Variants in CHD9 observed in about 807,000 individuals in gnomAD.
CHD9 encodes the protein ATP-dependent chromatin remodeler CHD9.
A neutral mutation model predicts 316.1 loss-of-function variants in CHD9; 77 were observed. That is an observed-to-expected ratio of 0.24 (90% CI 0.20 to 0.29). CHD9 has a LOEUF of 0.29. CHD9 is among the 10% of genes least tolerant of loss of function. The pLI is 1.00. For missense variants in CHD9, 2,763 were observed against 3,438.1 expected (o/e 0.80, Z 4.91); for synonymous variants, 1,129 against 1,158.3 (o/e 0.97, Z 0.51).
chr16:53,275,983 T>G (rs2052772597), intron 24 of CHD9, among the ~76,000 whole-genome samples: 2 of 152,200 alleles, frequency 1.3e-5, no homozygotes, highest in Admixed American at 1.3e-4. Context: ...TTAATCAGAA[T>G]TTTGACAGTG....
chr16:53,088,293 T>TTTTA (rs1167544513), intron 1 of CHD9, among the ~76,000 whole-genome samples: 3 of 149,846 alleles, frequency 2.0e-5, no homozygotes, highest in Non-Finnish European at 4.4e-5. Flanking sequence ...TTTTTTTTTT[T>TTTTA]TTGAGATGGA....
At chr16:53,225,086 T>A (rs1420445096) in intron 4 of CHD9, among the ~76,000 whole-genome samples, 2 of 152,116 alleles carry the variant, frequency 1.3e-5, no homozygotes, top group African/African-American at 4.8e-5. Flanking sequence ...ATTTTACTAC[T>A]CACAAGAGAA....
chr16:53,110,524 G>A (rs2037784447), intron 1 of CHD9, among the ~76,000 whole-genome samples: 1 of 152,210 alleles, frequency 6.6e-6, no homozygotes, highest in South Asian at 2.1e-4. Context: ...ACTTTGGGAG[G>A]CCAAGGTGGA....
intron 1 of CHD9, among the ~76,000 whole-genome samples, chr16:53,117,187 A>AT (rs1382456989): frequency 1.3e-5 from 2 of 152,184 alleles, no homozygotes; most frequent in Non-Finnish European, 2.9e-5. Context: ...ACGTTTACCT[A>AT]TGTAACAAAC....
intron 31 of CHD9, among the ~76,000 whole-genome samples, chr16:53,305,913 A>G (rs1421384732): frequency 1.3e-5 from 2 of 152,218 alleles, no homozygotes; most frequent in African/African-American, 4.8e-5. Flanking sequence ...AAGTCTACCA[A>G]TCAGGAATCA....
rs2039029552 is a variant in CHD9 at position 53,127,646 on chromosome 16, C to A, written c.-164-28280C>A. Among the ~76,000 whole-genome samples the A allele has an allele frequency of 3.3e-5, 5 of 152,190 alleles. No individual in the cohort carries two copies. In the South Asian group the frequency reaches 1.0e-3, roughly 32 times the overall value. On this transcript the variant is annotated intron_variant, in intron 1 of 38. Coordinates refer to ENST00000447540, the MANE Select transcript of CHD9 (RefSeq NM_001308319.2). ...GGGGGGGAATCCCTTTCTCAACGGG[C>A]ACAGTGGCTCACACCTGTAATCCCA... is the stretch of plus-strand genomic sequence containing the variant.
intron 2 of CHD9, among the ~76,000 whole-genome samples, chr16:53,197,541 T>A (rs1400174263): frequency 6.6e-6 from 1 of 151,688 alleles, no homozygotes; most frequent in African/African-American, 2.4e-5. Context: ...GATAACCTTA[T>A]TGCATGTTCT....
At chr16:53,198,578 G>A (rs1011920878) in intron 2 of CHD9, among the ~76,000 whole-genome samples, 2 of 151,132 alleles carry the variant, frequency 1.3e-5, no homozygotes, top group East Asian at 3.9e-4. Context: ...CGCCTGCCTC[G>A]GCCTCCCAAA....
Position 53,249,936 on chromosome 16 carries a change from T to A in CHD9, c.3731T>A (p.Phe1244Tyr). 1 of 1,613,840 alleles carries A rather than the reference T, an allele frequency of 6.2e-7. No individual in the cohort carries two copies. Among genetic ancestry groups the A allele is most frequent in the South Asian group, 1.1e-5 (1 of 91,082 alleles). ...CTTCGGCAAGCTGCTATAGATAGATTTAGTAAACCTGATTCAGATAGATTT... is the reference window on the plus strand; with the variant it reads ...CTTCGGCAAGCTGCTATAGATAGATATAGTAAACCTGATTCAGATAGATTT... The part of the protein sequence containing the change: ...GNLRQAAIDR[F>Y]SKPDSDRFVF... Residue 1244 changes from phenylalanine to tyrosine, a missense_variant, in exon 17 of 39, where the codon TTT becomes TAT. Transcript: ENST00000447540.
intron 18 of CHD9, 96 bp downstream of exon 18, chr16:53,254,701 T>C (rs2050429125): frequency 2.8e-6 from 3 of 1,071,002 alleles, no homozygotes; most frequent in Non-Finnish European, 3.9e-6. Context: ...CCATGCAGAA[T>C]ACTAAACACA....
intron 2 of CHD9, among the ~76,000 whole-genome samples, chr16:53,180,076 G>GAGTGCAAT (rs2043382399): frequency 6.9e-6 from 1 of 145,166 alleles, no homozygotes; most frequent in Admixed American, 7.0e-5. Context: ...ACCCAGGCTG[G>GAGTGCAAT]AGTGCAATGG....
chr16:53,137,040 C>T (rs536002446), intron 1 of CHD9, among the ~76,000 whole-genome samples: 1 of 151,534 alleles, frequency 6.6e-6, no homozygotes, highest in Non-Finnish European at 1.5e-5. Context: ...GTGGTGCAAT[C>T]TCGGCTCACT....
At chr16:53,238,930 A>G (rs1378420195) in intron 12 of CHD9, among the ~76,000 whole-genome samples, 2 of 152,154 alleles carry the variant, frequency 1.3e-5, no homozygotes, top group Non-Finnish European at 2.9e-5. Context: ...GTCTCTGATC[A>G]TTGTCCAGCT....
chr16:53,211,005 A>T (rs1453346013), intron 3 of CHD9, among the ~76,000 whole-genome samples: 2 of 152,054 alleles, frequency 1.3e-5, no homozygotes, highest in Non-Finnish European at 2.9e-5. Context: ...TTATTTTTCC[A>T]AAGCTCTGCC....
intron 34 of CHD9, 116 bp downstream of exon 34, chr16:53,308,970 C>A: frequency 1.4e-6 from 1 of 710,060 alleles, no homozygotes; most frequent in Non-Finnish European, 2.2e-6. Flanking sequence ...CCTCTTAAGC[C>A]TATAAAGTAA....
intron 1 of CHD9, among the ~76,000 whole-genome samples, chr16:53,111,245 G>A (rs2037841676): frequency 6.6e-6 from 1 of 152,152 alleles, no homozygotes; most frequent in South Asian, 2.1e-4. Context: ...CCCACCAAGC[G>A]CAAGACATCT....
At chr16:53,241,384 C>G (rs1254974008) in intron 12 of CHD9, among the ~76,000 whole-genome samples, 1 of 152,178 alleles carries the variant, frequency 6.6e-6, no homozygotes, top group East Asian at 1.9e-4. Flanking sequence ...TGTGTCTGCA[C>G]TCATTATCTC....
At chr16:53,159,347 T>TA (rs1462108213) in intron 2 of CHD9, among the ~76,000 whole-genome samples, 1 of 152,208 alleles carries the variant, frequency 6.6e-6, no homozygotes, top group African/African-American at 2.4e-5. Flanking sequence ...GTTTTTCCCT[T>TA]ACTTTCTACA....
chr16:53,085,752 A>C (rs1179138229), intron 1 of CHD9, among the ~76,000 whole-genome samples: 1 of 152,190 alleles, frequency 6.6e-6, no homozygotes, highest in Non-Finnish European at 1.5e-5. Flanking sequence ...AGCAGATGGC[A>C]CTGTACGAGG....
Sources: gnomAD v4.1 joint callset for allele counts (sites outside exome capture counted in the v4.1 genomes callset) on GRCh38, gnomAD v4.1.1 for gene constraint, MANE v1.5 for transcripts, NCBI Gene and HGNC (gene_info 2026-07-23, HGNC 2026-07-21) for gene names.